Variants in ASPH observed in about 807,000 individuals in gnomAD.
ASPH encodes aspartyl/asparaginyl beta-hydroxylase.
A neutral mutation model predicts 118.4 loss-of-function variants in ASPH; 100 were observed. That is an observed-to-expected ratio of 0.84 (90% CI 0.72 to 1.00). The LOEUF is 1.00. Among genes scored for constraint, ASPH ranks in the 50% least tolerant of loss-of-function variants. The pLI is 0.00. For synonymous variants in ASPH, 315 were observed against 325.6 expected, an observed-to-expected ratio of 0.97 and a Z score of 0.35; for missense variants, 920 against 919.5, an observed-to-expected ratio of 1.00 and a Z score of -0.01.
intron 15 of ASPH, chr8:61,579,674 A>G: frequency 1.4e-6 from 2 of 1,391,298 alleles, no homozygotes; most frequent in Non-Finnish European, 2.0e-6. Context: ...CCAAGTGAAC[A>G]GCTGTGGCAG....
rs184654928 is a variant in ASPH, at chr8:61,679,542, T to C, written c.322+1426A>G. Reference sequence around the variant, plus strand: ...TAATGGCATTTCCTGACAGACCACATAGCTGGTTTTAAGCAAAAACAAACA... The same window carrying C: ...TAATGGCATTTCCTGACAGACCACACAGCTGGTTTTAAGCAAAAACAAACA... On this transcript the variant is annotated intron_variant, in intron 3 of 24. Coordinates refer to ENST00000379454, the MANE Select transcript of ASPH (RefSeq NM_004318.4). Among the ~76,000 whole-genome samples, 56 of 152,128 alleles carry C rather than the reference T, an allele frequency of 3.7e-4. 1 individual carries two copies. Among genetic ancestry groups the C allele is most frequent in the Admixed American group, 1.2e-3 (18 of 15,272 alleles).
rs1214742604 is a variant in ASPH, at chr8:61,687,287, C to T, written c.104-3099G>A. 4 of 152,066 alleles carry T rather than the reference C, an allele frequency of 2.6e-5. No homozygotes were observed. The East Asian group carries it at 5.8e-4, about 22-fold the overall frequency. 9.4% of individuals were successfully genotyped at this position (152,066 alleles called of 1,614,324 possible). A position where few individuals can be genotyped will look rare whatever the true frequency, so the allele number is the denominator to read the frequency against. On this transcript the variant is annotated intron_variant, in intron 1 of 24. Coordinates refer to ENST00000379454, the MANE Select transcript of ASPH (RefSeq NM_004318.4). ...CTCATTTAAGTTATTGACTGTAACA[C>T]TAAATATAAGGGAAAAGTAGACAAA...
At chr8:61,589,139 G>C (rs1474595321) in intron 14 of ASPH, among the ~76,000 whole-genome samples, 1 of 152,150 alleles carries the variant, frequency 6.6e-6, no homozygotes, top group Non-Finnish European at 1.5e-5. Flanking sequence ...AATAATTTAG[G>C]GGGTTGCAAA....
At chr8:61,574,003 GA>G (rs1169088395) in intron 16 of ASPH, among the ~76,000 whole-genome samples, 19 of 151,976 alleles carry the variant, frequency 1.3e-4, no homozygotes, top group Admixed American at 3.3e-4. Context: ...AAATTTACAA[GA>G]AAAAAACAAA....
At chr8:61,566,833 T>C (rs1217691062) in intron 17 of ASPH, among the ~76,000 whole-genome samples, 1 of 152,194 alleles carries the variant, frequency 6.6e-6, no homozygotes, top group Non-Finnish European at 1.5e-5. Context: ...GACATTGTCT[T>C]TTAAACCATA....
chr8:61,562,869 C>T lies in ASPH; in HGVS notation c.1312G>A (p.Gly438Ser). 1 of 1,601,372 alleles carries T rather than the reference C, an allele frequency of 6.2e-7. No homozygotes were observed. Among genetic ancestry groups the T allele is most frequent in the Non-Finnish European group, 8.5e-7 (1 of 1,175,526 alleles). Reference sequence around the variant, plus strand: ...AATCTCTGCAGGGTAAGCAGGGAACCTCTCATATGACCTGAGTAGGTGGGA... The same window carrying T: ...AATCTCTGCAGGGTAAGCAGGGAACTTCTCATATGACCTGAGTAGGTGGGA... ...DRQQFLGHMR[G>S]SLLTLQRLVQ... is the part of the protein sequence containing the mutation. The change falls in exon 18 of 25, where the codon GGT becomes AGT. Residue 438 changes from glycine to serine, a missense_variant. By Grantham distance (56) the Gly-to-Ser change is moderately conservative. Transcript: ENST00000379454.
At chr8:61,592,531 A>C (rs1563944892) in intron 14 of ASPH, among the ~76,000 whole-genome samples, 1 of 152,224 alleles carries the variant, frequency 6.6e-6, no homozygotes, top group East Asian at 1.9e-4. Context: ...GAATCACATA[A>C]AATATTAAAT....
Position 61,714,329 on chromosome 8 carries a change from T to G in ASPH, c.43A>C (p.Ser15Arg). The G allele has an allele frequency of 6.6e-7, 1 of 1,518,460 alleles. No individual in the cohort carries two copies. The highest frequency in any genetic ancestry group is 2.8e-5 in the East Asian group (1 of 36,344). 94.1% of individuals were successfully genotyped at this position (1,518,460 alleles called of 1,614,324 possible). ...GTGCTACCGCTGCCGGAGCCGCTGC[T>G]GCTGCTGTTGCCGCTGCTCTTGGCA... Reference protein sequence around the residue: ...KNAKSSGNSSSSGSGSGSTSA... With the variant: ...KNAKSSGNSSRSGSGSGSTSA... The change falls in exon 1 of 25, where the codon AGC becomes CGC. Residue 15 changes from serine (S) to arginine (R), a missense_variant. Ser to Arg is a moderately radical substitution (Grantham distance 110). Coordinates refer to ENST00000379454, the MANE Select transcript of ASPH (RefSeq NM_004318.4).
intron 15 of ASPH, among the ~76,000 whole-genome samples, chr8:61,581,410 T>C (rs894656684): frequency 6.6e-6 from 1 of 152,214 alleles, no homozygotes; most frequent in African/African-American, 2.4e-5. Context: ...GGGAGAGACA[T>C]GGACGTAGGC....
At chr8:61,640,740 A>G (rs1348402232) in intron 10 of ASPH, among the ~76,000 whole-genome samples, 2 of 152,250 alleles carry the variant, frequency 1.3e-5, no homozygotes, top group African/African-American at 4.8e-5. Context: ...CCTGTGTTTC[A>G]GACCGAAGAC....
At chr8:61,669,807 C>T (rs1821504418) in intron 3 of ASPH, among the ~76,000 whole-genome samples, 2 of 152,166 alleles carry the variant, frequency 1.3e-5, no homozygotes. Context: ...CCTACCCCCA[C>T]TGTTATGATC....
At chr8:61,599,892 T>C (rs1306695863) in intron 14 of ASPH, among the ~76,000 whole-genome samples, 1 of 152,154 alleles carries the variant, frequency 6.6e-6, no homozygotes, top group African/African-American at 2.4e-5. Flanking sequence ...AGGGAATTCT[T>C]CCTAGCTCAT....
intron 18 of ASPH, among the ~76,000 whole-genome samples, chr8:61,561,155 T>G (rs1213265997): frequency 2.1e-5 from 3 of 140,386 alleles, no homozygotes; most frequent in African/African-American, 2.8e-5. Flanking sequence ...AGTTAGGAAT[T>G]CTACAAGTTC....
At chr8:61,596,984 G>C (rs1474229664) in intron 14 of ASPH, among the ~76,000 whole-genome samples, 2 of 151,652 alleles carry the variant, frequency 1.3e-5, no homozygotes, top group Non-Finnish European at 2.9e-5. Context: ...AGAGATAAAT[G>C]ACACAAAAAA....
intron 1 of ASPH, among the ~76,000 whole-genome samples, chr8:61,694,001 T>C (rs1388274357): frequency 6.6e-6 from 1 of 152,200 alleles, no homozygotes; most frequent in African/African-American, 2.4e-5. Flanking sequence ...CAGCCTCAGC[T>C]GGGCCTCGGT....
intron 1 of ASPH, among the ~76,000 whole-genome samples, chr8:61,696,320 G>A (rs985054511): frequency 2.0e-5 from 3 of 152,200 alleles, no homozygotes; most frequent in East Asian, 1.9e-4. Flanking sequence ...ATTAGTAAAC[G>A]AAAGTGAAAT....
At chr8:61,530,662 A>G (rs773126529) in intron 21 of ASPH, among the ~76,000 whole-genome samples, 16 of 152,138 alleles carry the variant, frequency 1.1e-4, no homozygotes, top group Non-Finnish European at 2.2e-4. Context: ...CTAAAGCCTA[A>G]CTCATTTTTA....
At chr8:61,701,629 A>G (rs1174127913) in intron 1 of ASPH, among the ~76,000 whole-genome samples, 1 of 152,254 alleles carries the variant, frequency 6.6e-6, no homozygotes, top group African/African-American at 2.4e-5. Context: ...ACTGGTTACA[A>G]CTAAACAGAT....
chr8:61,657,834 C>T (rs1010882587), intron 3 of ASPH: 2 of 152,140 alleles, frequency 1.3e-5, no homozygotes, highest in African/African-American at 4.8e-5. Flanking sequence ...TTGTTTCATA[C>T]AATTTCATAC....
Sources: gnomAD v4.1 joint callset for allele counts (sites outside exome capture counted in the v4.1 genomes callset) on GRCh38, gnomAD v4.1.1 for gene constraint, MANE v1.5 for transcripts, NCBI Gene and HGNC (gene_info 2026-07-23, HGNC 2026-07-21) for gene names.